The following CNTNAP2 variants were observed in gnomAD, a reference collection of about 807,000 sequenced individuals.
The protein encoded by CNTNAP2 is contactin associated protein 2, also known as contactin-associated protein-like 2.
CNTNAP2 carries 98 observed loss-of-function variants against 155.2 expected under a neutral mutation model. The observed-to-expected ratio is 0.63, with a 90% CI of 0.54 to 0.75. CNTNAP2 has a LOEUF of 0.75. CNTNAP2 is among the 30% of genes least tolerant of loss of function. CNTNAP2 has a pLI of 0.00. For synonymous variants in CNTNAP2, 651 were observed against 631.2 expected (o/e 1.03, Z -0.47); for missense variants, 1,727 against 1,688.1 (o/e 1.02, Z -0.40).
intron 1 of CNTNAP2, among the ~76,000 whole-genome samples, chr7:146,199,159 A>T (rs1341983155): frequency 6.6e-6 from 1 of 152,112 alleles, no homozygotes; most frequent in Non-Finnish European, 1.5e-5. Context: ...AACATGCCTA[A>T]AAATTATTCC....
intron 8 of CNTNAP2, chr7:147,161,571 C>A (rs1461412963): frequency 6.6e-6 from 1 of 152,114 alleles, no homozygotes; most frequent in Non-Finnish European, 1.5e-5. Flanking sequence ...GGTACAAGTT[C>A]TCTTGCTTTG....
intron 13 of CNTNAP2, among the ~76,000 whole-genome samples, chr7:147,722,961 T>C (rs777339737): frequency 2.6e-5 from 4 of 152,066 alleles, no homozygotes; most frequent in Non-Finnish European, 4.4e-5. Flanking sequence ...CACTGACTGA[T>C]TGATGTTGAT....
intron 11 of CNTNAP2, among the ~76,000 whole-genome samples, chr7:147,554,033 A>T (rs1003439073): frequency 6.6e-6 from 1 of 152,150 alleles, no homozygotes; most frequent in Non-Finnish European, 1.5e-5. Flanking sequence ...AGATGCAGCA[A>T]CATAAGCAAC....
chr7:146,206,990 A>G (rs1418540080), intron 1 of CNTNAP2, among the ~76,000 whole-genome samples: 1 of 152,002 alleles, frequency 6.6e-6, no homozygotes, highest in Non-Finnish European at 1.5e-5. Flanking sequence ...AACACCAAGT[A>G]TTCATTGGTA....
chr7:148,312,707 G>A (rs966529563), intron 21 of CNTNAP2, among the ~76,000 whole-genome samples: 3 of 152,174 alleles, frequency 2.0e-5, no homozygotes, highest in African/African-American at 7.2e-5. Flanking sequence ...GGAATTGTAA[G>A]GGGAGTTTAT....
At chr7:146,414,314 A>G (rs1302080931) in intron 1 of CNTNAP2, among the ~76,000 whole-genome samples, 1 of 152,188 alleles carries the variant, frequency 6.6e-6, no homozygotes, top group Non-Finnish European at 1.5e-5. Context: ...TTACAGATAC[A>G]TGTTTTGCTT....
In CNTNAP2 at chr7:148,062,028, A is replaced by AGAGAGT. The variant is rs1388530831; in HGVS notation, c.2384-56089_2384-56088insAGAGTG. On this transcript the variant is annotated intron_variant, in intron 15 of 23. Coordinates refer to ENST00000361727, the MANE Select transcript of CNTNAP2 (RefSeq NM_014141.6). ...ATAGATGATAGAGAGAGAGAGAGAG[A>AGAGAGT]GTGTGTGTGTGTGTGTGTGTGTGTG... is the stretch of plus-strand genomic sequence containing the variant. 1.3e-3 allele frequency among the ~76,000 whole-genome samples: 137 copies of AGAGAGT among 105,960 alleles called. 6 individuals are homozygous for AGAGAGT. The highest frequency in any genetic ancestry group is 7.1e-3 in the Admixed American group (68 of 9,544). The allele number at this position is 105,960 out of a possible 152,430, so 69.5% of individuals were successfully genotyped here.
At position 146,609,247 on chromosome 7, in the gene CNTNAP2, T is replaced by C. The variant is rs532677712; in HGVS notation, c.98-165024T>C. ...ATTCTGATGATCAGGTGGTATTGTTTTGTCTTCTTCTGTAGTGAGCATTAT... is the reference window on the plus strand; with the variant it reads ...ATTCTGATGATCAGGTGGTATTGTTCTGTCTTCTTCTGTAGTGAGCATTAT... On this transcript the variant is annotated intron_variant, in intron 1 of 23. Transcript: ENST00000361727. 2.0e-3 allele frequency among the ~76,000 whole-genome samples: 309 copies of C among 152,318 alleles called. 5 individuals are homozygous for C. Among genetic ancestry groups the C allele is most frequent in the African/African-American group, 7.1e-3 (295 of 41,576 alleles).
At chr7:147,195,451 T>C (rs1802771900) in intron 8 of CNTNAP2, among the ~76,000 whole-genome samples, 1 of 152,180 alleles carries the variant, frequency 6.6e-6, no homozygotes, top group African/African-American at 2.4e-5. Context: ...TTTTTTCTAA[T>C]TCTGTGAAGA....
At chr7:146,558,589 A>G (rs1262729549) in intron 1 of CNTNAP2, among the ~76,000 whole-genome samples, 2 of 152,056 alleles carry the variant, frequency 1.3e-5, no homozygotes, top group African/African-American at 4.8e-5. Context: ...TATTATTATT[A>G]TGATTTTTTT....
chr7:147,573,450 C>T (rs753597549), intron 12 of CNTNAP2, among the ~76,000 whole-genome samples: 58 of 152,126 alleles, frequency 3.8e-4, no homozygotes, highest in Non-Finnish European at 4.9e-4. Context: ...CCATGTTATT[C>T]TATCTTCACT....
intron 1 of CNTNAP2, among the ~76,000 whole-genome samples, chr7:146,611,510 C>T (rs931965630): frequency 1.3e-5 from 2 of 152,070 alleles, no homozygotes; most frequent in Non-Finnish European, 2.9e-5. Context: ...AATTTGCTGC[C>T]TTTTCACATG....
intron 1 of CNTNAP2, among the ~76,000 whole-genome samples, chr7:146,647,304 T>C (rs1799831291): frequency 6.6e-6 from 1 of 151,948 alleles, no homozygotes; most frequent in Admixed American, 6.6e-5. Flanking sequence ...GGCCAGAAAA[T>C]CTGAGCATGA....
intron 21 of CNTNAP2, among the ~76,000 whole-genome samples, chr7:148,328,864 T>C (rs1797937305): frequency 6.7e-6 from 1 of 149,894 alleles, no homozygotes; most frequent in South Asian, 2.1e-4. Flanking sequence ...TAATCCCAGC[T>C]ACTCAGGAGG....
intron 8 of CNTNAP2, among the ~76,000 whole-genome samples, chr7:147,267,636 G>C (rs1804643815): frequency 6.6e-6 from 1 of 151,856 alleles, no homozygotes; most frequent in Non-Finnish European, 1.5e-5. Context: ...AATAAGATCA[G>C]TTTGCATCCC....
chr7:147,133,444 T>C (rs926921429), intron 8 of CNTNAP2, among the ~76,000 whole-genome samples: 1 of 151,992 alleles, frequency 6.6e-6, no homozygotes, highest in African/African-American at 2.4e-5. Context: ...GGACTCTGAT[T>C]TCTGAATATG....
At chr7:147,141,704 T>C (rs947987596) in intron 8 of CNTNAP2, among the ~76,000 whole-genome samples, 5 of 152,150 alleles carry the variant, frequency 3.3e-5, no homozygotes, top group African/African-American at 1.2e-4. Flanking sequence ...TGGTGTTACA[T>C]GATCACACAG....
intron 9 of CNTNAP2, among the ~76,000 whole-genome samples, chr7:147,329,563 G>C (rs1291089060): frequency 6.6e-6 from 1 of 152,064 alleles, no homozygotes; most frequent in African/African-American, 2.4e-5. Flanking sequence ...TGGCCTCATG[G>C]TGCAGGTGTA....
chr7:147,143,672 A>G (rs1801644877), intron 8 of CNTNAP2, among the ~76,000 whole-genome samples: 2 of 152,212 alleles, frequency 1.3e-5, no homozygotes, highest in African/African-American at 4.8e-5. Context: ...AAAGAAGAGT[A>G]GCAAATATCT....
Sources: gnomAD v4.1 joint callset for allele counts (sites outside exome capture counted in the v4.1 genomes callset) on GRCh38, gnomAD v4.1.1 for gene constraint, MANE v1.5 for transcripts, NCBI Gene and HGNC (gene_info 2026-07-23, HGNC 2026-07-21) for gene names.